The following TMEM135 variants were observed in gnomAD, a reference collection of about 807,000 sequenced individuals.
TMEM135 encodes the protein transmembrane protein 135.
Under a neutral mutation model 60.3 loss-of-function variants are expected in TMEM135, and 30 were observed. That is an observed-to-expected ratio of 0.50 (90% CI 0.37 to 0.68). The LOEUF is 0.68. Ranked by LOEUF, TMEM135 falls within the 30% of genes least tolerant of loss-of-function variation. The pLI is 0.00. For missense variants in TMEM135, 468 were observed against 548.8 expected (o/e 0.85, Z 1.47); for synonymous variants, 190 against 186.7 (o/e 1.02, Z -0.14).
At chr11:87,191,667 G>A (rs1002890267) in intron 5 of TMEM135, among the ~76,000 whole-genome samples, 1 of 152,130 alleles carries the variant, frequency 6.6e-6, no homozygotes, top group Non-Finnish European at 1.5e-5. Flanking sequence ...CATCATATAT[G>A]ATTTCTAAGC....
chr11:87,264,900 G>A (rs1364888625), intron 6 of TMEM135, among the ~76,000 whole-genome samples: 1 of 151,898 alleles, frequency 6.6e-6, no homozygotes, highest in Non-Finnish European at 1.5e-5. Context: ...TTTTAAAGCT[G>A]TGAACTACTT....
chr11:87,214,209 A>G (rs977461260), intron 5 of TMEM135, among the ~76,000 whole-genome samples: 2 of 152,152 alleles, frequency 1.3e-5, no homozygotes, highest in African/African-American at 4.8e-5. Flanking sequence ...AATAATAATA[A>G]AAATAAGAAG....
chr11:87,249,202 A>G (rs578132873), intron 6 of TMEM135, among the ~76,000 whole-genome samples: 17 of 152,246 alleles, frequency 1.1e-4, no homozygotes, highest in African/African-American at 3.4e-4. Flanking sequence ...GTTTTTTCTC[A>G]TTCACTATGA....
intron 4 of TMEM135, among the ~76,000 whole-genome samples, chr11:87,147,557 G>A (rs1938449597): frequency 6.6e-6 from 1 of 152,022 alleles, no homozygotes; most frequent in African/African-American, 2.4e-5. Flanking sequence ...GCAGAACATA[G>A]AAAATAACTA....
chr11:87,309,465 AT>A (rs746981303), intron 9 of TMEM135, 39 bp from the exon 10 acceptor site: 4 of 1,611,450 alleles, frequency 2.5e-6, no homozygotes, highest in Non-Finnish European at 3.4e-6. Flanking sequence ...AAACTTCAAA[AT>A]TTGTTTGTAA....
intron 4 of TMEM135, among the ~76,000 whole-genome samples, chr11:87,149,949 G>T (rs1017254016): frequency 6.6e-6 from 1 of 152,142 alleles, no homozygotes; most frequent in Admixed American, 6.5e-5. Flanking sequence ...GGGCGCGGTG[G>T]TGCACGCCTG....
rs561083440 is a variant in TMEM135, at chr11:87,287,430, G to C, written c.510-8352G>C. On this transcript the variant is annotated intron_variant, in intron 6 of 14. Coordinates refer to ENST00000305494, the MANE Select transcript of TMEM135 (RefSeq NM_022918.4). ...GCAGTGGCTCAAGCCTGTAATCCCA[G>C]CACTTTGGGAGGCTGAGGCGGGCAG... Among the ~76,000 whole-genome samples, 4 of 152,320 alleles carry C rather than the reference G, an allele frequency of 2.6e-5. No homozygotes were observed. In the East Asian group the frequency reaches 7.7e-4, roughly 29 times the overall value.
At chr11:87,146,021 T>C (rs1938405485) in intron 4 of TMEM135, among the ~76,000 whole-genome samples, 2 of 152,206 alleles carry the variant, frequency 1.3e-5, no homozygotes, top group African/African-American at 4.8e-5. Context: ...TGTTGTTTAG[T>C]CTTTATCCTG....
chr11:87,131,435 T>C (rs1265020012), intron 4 of TMEM135, among the ~76,000 whole-genome samples: 2 of 152,194 alleles, frequency 1.3e-5, no homozygotes, highest in Non-Finnish European at 2.9e-5. Context: ...GAGTGTGGTC[T>C]GCTGGGGATA....
chr11:87,223,313 A>G (rs1173647613), intron 5 of TMEM135, among the ~76,000 whole-genome samples: 1 of 151,530 alleles, frequency 6.6e-6, no homozygotes. Context: ...TACAGGCGCC[A>G]GCCACCATGC....
intron 4 of TMEM135, among the ~76,000 whole-genome samples, chr11:87,130,476 G>A (rs534965): frequency 0.35 from 52,954 of 151,764 alleles, 9,651 homozygotes; most frequent in East Asian, 0.62. Flanking sequence ...TCCTGATGTG[G>A]AAAGAGAATG....
chr11:87,173,846 C>A lies in TMEM135; in HGVS notation c.462+16440C>A, dbSNP rs2135293044. ...GTGATTATTTCCTTCCTGTGTGAGT[C>A]ATGATATTTGGGTTGGCATTTGTTG... On this transcript the variant is annotated intron_variant, in intron 5 of 14. Coordinates refer to ENST00000305494, the MANE Select transcript of TMEM135 (RefSeq NM_022918.4). 2.6e-5 allele frequency among the ~76,000 whole-genome samples: 4 copies of A among 152,206 alleles called. 1 individual carries two copies. The highest frequency in any genetic ancestry group is 2.6e-4 in the Admixed American group (4 of 15,262).
chr11:87,104,509 A>G (rs1427748084), intron 4 of TMEM135, among the ~76,000 whole-genome samples: 1 of 152,172 alleles, frequency 6.6e-6, no homozygotes, highest in East Asian at 1.9e-4. Flanking sequence ...CATTGAATCT[A>G]TAGATTGCTT....
intron 5 of TMEM135, among the ~76,000 whole-genome samples, chr11:87,183,363 G>A (rs1157330541): frequency 1.3e-5 from 2 of 151,048 alleles, no homozygotes; most frequent in African/African-American, 2.4e-5. Flanking sequence ...GGCTGGGCTC[G>A]AACTCCTGAC....
intron 6 of TMEM135, among the ~76,000 whole-genome samples, chr11:87,288,120 C>T (rs893438761): frequency 1.3e-5 from 2 of 152,096 alleles, no homozygotes; most frequent in Non-Finnish European, 2.9e-5. Context: ...TGGTTTTATA[C>T]GTATCCTATT....
At chr11:87,140,779 G>A (rs2135244962) in intron 4 of TMEM135, among the ~76,000 whole-genome samples, 1 of 152,238 alleles carries the variant, frequency 6.6e-6, no homozygotes, top group African/African-American at 2.4e-5. Flanking sequence ...ATTTAAGTCT[G>A]TGATTTATTT....
At chr11:87,267,818 G>A (rs1321152565) in intron 6 of TMEM135, among the ~76,000 whole-genome samples, 4 of 151,936 alleles carry the variant, frequency 2.6e-5, no homozygotes, top group African/African-American at 7.3e-5. Flanking sequence ...TCAGCCTTCC[G>A]AGTAGCTGGG....
rs546507876 is a variant in TMEM135, at chr11:87,324,586, A to G, written c.*3253A>G. ...AGGCATGTGCCACCATGCCTGGCTA[A>G]TATTTATTTTATTTATTTTTTTTTT... On this transcript the variant is annotated 3_prime_UTR_variant, in exon 15 of 15. Transcript: ENST00000305494. 2.3e-6 allele frequency: 1 copy of G among 442,320 alleles called. No individual in the cohort carries two copies. Among genetic ancestry groups the G allele is most frequent in the East Asian group, 7.0e-5 (1 of 14,302 alleles). 27.4% of individuals were successfully genotyped at this position (442,320 alleles called of 1,614,324 possible).
chr11:87,120,886 C>G (rs116088116), intron 4 of TMEM135, among the ~76,000 whole-genome samples: 5,128 of 152,096 alleles, frequency 0.034, 260 homozygotes, highest in African/African-American at 0.11. Context: ...ATTAAATTTT[C>G]AAGATAATGT....
Sources: allele counts gnomAD v4.1 joint callset (sites outside exome capture counted in the v4.1 genomes callset), GRCh38; gene constraint gnomAD v4.1.1; transcripts MANE v1.5; gene names NCBI Gene and HGNC (gene_info 2026-07-23, HGNC 2026-07-21).